PLSCR5: variants seen among roughly 807,000 people sequenced by gnomAD.
PLSCR5 encodes the protein phospholipid scramblase family member 5, also known as phospholipid scramblase family, member 5.
Under a neutral mutation model 33.6 loss-of-function variants are expected in PLSCR5, and 44 were observed. That is an observed-to-expected ratio of 1.31 (90% CI 1.03 to 1.69). The LOEUF is 1.69. Among genes scored for constraint, PLSCR5 ranks in the 40% most tolerant of loss-of-function variants. The pLI is 0.00. For synonymous variants in PLSCR5, 148 were observed against 112.3 expected (o/e 1.32, Z -2.01); for missense variants, 375 against 318.7 (o/e 1.18, Z -1.34).
intron 6 of PLSCR5, 53 bp downstream of exon 6, chr3:146,589,600 A>G: frequency 7.1e-7 from 1 of 1,406,878 alleles, no homozygotes. Context: ...ATTGTAATTA[A>G]CAAGCAAGAG....
chr3:146,605,094 T>C (rs1444293924), intron 1 of PLSCR5, 106 bp downstream of exon 1: 10 of 1,158,004 alleles, frequency 8.6e-6, no homozygotes, highest in Non-Finnish European at 1.2e-5. Flanking sequence ...AAGTGACAAA[T>C]GACAGCTTTT....
At position 146,589,682 on chromosome 3, in the gene PLSCR5, C is replaced by G; in HGVS notation, c.748G>C (p.Ala250Pro). The G allele has an allele frequency of 6.2e-7, 1 of 1,600,538 alleles. No homozygotes were observed. Among genetic ancestry groups the G allele is most frequent in the South Asian group, 1.1e-5 (1 of 89,476 alleles). Residue 250 changes from alanine (A) to proline (P), a missense_variant, in exon 6 of 8, where the codon GCA (alanine) becomes CCA (proline). Coordinates refer to ENST00000443512, the MANE Select transcript of PLSCR5 (RefSeq NM_001085420.2). ...VPADLDVTVK[A>P]AMIGACFLFD... ...AGAAAACAGGCACCGATCATTGCTG[C>G]TTTGACTGTTACATCTAGATCTGCA...
At chr3:146,591,627 A>T in intron 5 of PLSCR5, 93 bp downstream of exon 5, 1 of 1,321,784 alleles carries the variant, frequency 7.6e-7, no homozygotes, top group Non-Finnish European at 1.0e-6. Flanking sequence ...AACTTATTTT[A>T]AATGAAATTA....
intron 1 of PLSCR5, among the ~76,000 whole-genome samples, chr3:146,603,284 C>T (rs966061951): frequency 2.6e-5 from 4 of 152,106 alleles, no homozygotes; most frequent in African/African-American, 7.2e-5. Context: ...TGTTTATATA[C>T]AGCTGAAGAA....
Position 146,585,932 on chromosome 3 carries a change from C to A in PLSCR5, c.*55G>T, listed in dbSNP as rs2044662376. On this transcript the variant is annotated 3_prime_UTR_variant, in exon 8 of 8. Coordinates refer to ENST00000443512, the MANE Select transcript of PLSCR5 (RefSeq NM_001085420.2). ...ACCATTCAGAAATGAAATCCAGAGC[C>A]CAAGGGATTTCTAGAAGAAAATGAA... 4 of 861,062 alleles carry A rather than the reference C, an allele frequency of 4.6e-6. No individual in the cohort carries two copies. Among genetic ancestry groups the A allele is most frequent in the Non-Finnish European group, 6.6e-6 (4 of 605,408 alleles). The allele number at this position is 861,062 out of a possible 1,614,324, so 53.3% of individuals were successfully genotyped here.
At chr3:146,600,484 C>T in intron 1 of PLSCR5, 21 bp from the exon 2 acceptor site, 3 of 1,543,706 alleles carry the variant, frequency 1.9e-6, no homozygotes, top group Middle Eastern at 1.8e-4. Context: ...ATGGAAATCC[C>T]AATCCATATT....
downstream of PLSCR5, among the ~76,000 whole-genome samples, chr3:146,582,972 A>T (rs1454581316): frequency 6.6e-6 from 1 of 151,928 alleles, no homozygotes; most frequent in Non-Finnish European, 1.5e-5. Flanking sequence ...GACTCAGTGC[A>T]TGAAGACCAT....
chr3:146,577,290 T>G (rs1231083231), intron 7 of PLSCR5, among the ~76,000 whole-genome samples: 2 of 152,122 alleles, frequency 1.3e-5, no homozygotes, highest in African/African-American at 4.8e-5. Flanking sequence ...TTAGACCTAC[T>G]CACACTTGCT....
intron 2 of PLSCR5, 111 bp downstream of exon 2, chr3:146,600,177 T>G: frequency 1.2e-6 from 1 of 809,614 alleles, no homozygotes; most frequent in Non-Finnish European, 1.7e-6. Context: ...CTTTTTTCAT[T>G]TCAGTAAATT....
chr3:146,577,133 C>T (rs765802521), intron 7 of PLSCR5, among the ~76,000 whole-genome samples: 3 of 152,108 alleles, frequency 2.0e-5, no homozygotes, highest in East Asian at 3.9e-4. Context: ...AGTCAACATA[C>T]GATAAGTTGA....
rs377212400 is a variant in PLSCR5, at chr3:146,596,148, A to G, written c.190-1065T>C. Among the ~76,000 whole-genome samples the G allele has an allele frequency of 1.2e-4, 19 of 152,318 alleles. No individual in the cohort carries two copies. The East Asian group carries it at 3.5e-3, about 28-fold the overall frequency. ...TAATGCAAATTGCTTTTTAAAGGAAATATGAAAGTTATGTTCTTATAAAGA... is the reference window on the plus strand; with the variant it reads ...TAATGCAAATTGCTTTTTAAAGGAAGTATGAAAGTTATGTTCTTATAAAGA... On this transcript the variant is annotated intron_variant, in intron 2 of 7. Coordinates refer to ENST00000443512, the MANE Select transcript of PLSCR5 (RefSeq NM_001085420.2).
At chr3:146,583,155 A>C (rs557917304), downstream of PLSCR5, among the ~76,000 whole-genome samples, 3 of 152,144 alleles carry the variant, frequency 2.0e-5, no homozygotes, top group Non-Finnish European at 4.4e-5. Flanking sequence ...TCAAATTGCC[A>C]TATCTTAGCA....
intron 1 of PLSCR5, among the ~76,000 whole-genome samples, chr3:146,604,365 T>G (rs1452639814): frequency 6.6e-6 from 1 of 152,120 alleles, no homozygotes; most frequent in Non-Finnish European, 1.5e-5. Context: ...ATGATATTTT[T>G]GCAGTTTTAG....
At chr3:146,578,014 A>G (rs925019822) in intron 7 of PLSCR5, among the ~76,000 whole-genome samples, 1 of 152,150 alleles carries the variant, frequency 6.6e-6, no homozygotes, top group Non-Finnish European at 1.5e-5. Flanking sequence ...AATTAAAAAT[A>G]TGGTATAGTT....
intron 4 of PLSCR5, 113 bp downstream of exon 4, chr3:146,593,807 A>T: frequency 2.1e-6 from 2 of 948,270 alleles, no homozygotes; most frequent in Non-Finnish European, 3.2e-6. Flanking sequence ...ACATACTATT[A>T]ATAATTAAAA....
At chr3:146,602,535 G>T (rs1460113463) in intron 1 of PLSCR5, among the ~76,000 whole-genome samples, 4 of 151,908 alleles carry the variant, frequency 2.6e-5, no homozygotes, top group African/African-American at 9.7e-5. Context: ...TGATCTTGGT[G>T]GTGGTCATGA....
Position 146,599,143 on chromosome 3 carries a change from T to A in PLSCR5, c.189+1145A>T, listed in dbSNP as rs1315965084. The stretch of plus-strand genomic sequence containing the variant: ...CAAAAGCAACAATAATATACATACA[T>A]GAATAGCAATAGCTGAATTTTATAT... On this transcript the variant is annotated intron_variant, in intron 2 of 7. Coordinates refer to ENST00000443512, the MANE Select transcript of PLSCR5 (RefSeq NM_001085420.2). 3.3e-5 allele frequency among the ~76,000 whole-genome samples: 5 copies of A among 152,178 alleles called. No homozygotes were observed. The South Asian group carries it at 1.0e-3, about 31-fold the overall frequency.
chr3:146,590,271 T>G (rs2044702902), intron 5 of PLSCR5: 1 of 152,236 alleles, frequency 6.6e-6, no homozygotes, highest in Non-Finnish European at 1.5e-5. Context: ...GCATAATTTG[T>G]AAACTTTCAA....
rs145574968 is a variant in PLSCR5 at position 146,599,858 on chromosome 3, C to T, written c.189+430G>A. ...CATGCCCTGATAATTTTTATAGAGACAGGGTTGTATCATGTTGCGCAGCCT... is the reference window on the plus strand; with the variant it reads ...CATGCCCTGATAATTTTTATAGAGATAGGGTTGTATCATGTTGCGCAGCCT... On this transcript the variant is annotated intron_variant, in intron 2 of 7. Transcript: ENST00000443512. Among the ~76,000 whole-genome samples, 897 of 151,862 alleles carry T rather than the reference C, an allele frequency of 5.9e-3. 7 individuals are homozygous for T. Among genetic ancestry groups the T allele is most frequent in the African/African-American group, 0.02 (847 of 41,410 alleles).
Sources: allele counts gnomAD v4.1 joint callset (sites outside exome capture counted in the v4.1 genomes callset), GRCh38; gene constraint gnomAD v4.1.1; transcripts MANE v1.5; gene names NCBI Gene and HGNC (gene_info 2026-07-23, HGNC 2026-07-21).